TJP1: variants seen among roughly 807,000 people sequenced by gnomAD.
TJP1 encodes the protein tight junction protein 1.
Under a neutral mutation model 194.2 loss-of-function variants are expected in TJP1, and 43 were observed. That is an observed-to-expected ratio of 0.22 (90% CI 0.17 to 0.29). The LOEUF (loss-of-function observed/expected upper bound fraction) is 0.29. Among genes scored for constraint, TJP1 ranks in the 10% least tolerant of loss-of-function variants. The pLI is 1.00. For missense variants in TJP1, 1,971 were observed against 2,185.7 expected (o/e 0.90, Z 1.96); for synonymous variants, 801 against 779.0 (o/e 1.03, Z -0.47).
At chr15:29,777,757 A>G (rs2047109050) in intron 2 of TJP1, among the ~76,000 whole-genome samples, 1 of 152,158 alleles carries the variant, frequency 6.6e-6, no homozygotes, top group Non-Finnish European at 1.5e-5. Flanking sequence ...AAAGTACCCT[A>G]AAGATACACA....
chr15:29,725,231 T>C (rs1042940078), intron 18 of TJP1, among the ~76,000 whole-genome samples: 1 of 152,248 alleles, frequency 6.6e-6, no homozygotes. Flanking sequence ...GGCTCTCGTA[T>C]GCATGGTCCA....
intron 1 of TJP1, among the ~76,000 whole-genome samples, chr15:29,967,523 C>G (rs1336527478): frequency 6.6e-6 from 1 of 152,178 alleles, no homozygotes; most frequent in African/African-American, 2.4e-5. Context: ...TCTCACTTTA[C>G]AGAGGAAGAA....
At chr15:29,777,457 A>T (rs1473200858) in intron 2 of TJP1, among the ~76,000 whole-genome samples, 1 of 152,236 alleles carries the variant, frequency 6.6e-6, no homozygotes, top group Non-Finnish European at 1.5e-5. Context: ...TGTCGATATT[A>T]AGAACTACTT....
At chr15:29,702,167 C>A (rs2140910277) in intron 27 of TJP1, among the ~76,000 whole-genome samples, 1 of 151,950 alleles carries the variant, frequency 6.6e-6, no homozygotes, top group Non-Finnish European at 1.5e-5. Context: ...AATGAGGACA[C>A]ATTTCTCACA....
chr15:29,898,094 C>G (rs1381553140), intron 2 of TJP1, among the ~76,000 whole-genome samples: 1 of 152,054 alleles, frequency 6.6e-6, no homozygotes, highest in Non-Finnish European at 1.5e-5. Flanking sequence ...TGGCTGTGTT[C>G]CCACCCAAAT....
chr15:29,891,516 T>A (rs1467596754), intron 2 of TJP1, among the ~76,000 whole-genome samples: 2 of 152,226 alleles, frequency 1.3e-5, no homozygotes, highest in African/African-American at 4.8e-5. Context: ...ATTGACTTTT[T>A]TATAAATTGA....
At chr15:29,766,839 A>C (rs2046361943) in intron 4 of TJP1, among the ~76,000 whole-genome samples, 1 of 152,312 alleles carries the variant, frequency 6.6e-6, no homozygotes, top group Non-Finnish European at 1.5e-5. Flanking sequence ...CTTACAGGGA[A>C]ACTAACAACT....
chr15:29,863,063 G>C (rs1220807948), intron 2 of TJP1, among the ~76,000 whole-genome samples: 1 of 151,710 alleles, frequency 6.6e-6, no homozygotes, highest in African/African-American at 2.4e-5. Flanking sequence ...GGGAGGCCAA[G>C]GTGGGCGGAT....
At chr15:29,928,887 A>G (rs1228853666) in intron 2 of TJP1, among the ~76,000 whole-genome samples, 4 of 152,068 alleles carry the variant, frequency 2.6e-5, no homozygotes, top group Non-Finnish European at 5.9e-5. Context: ...GCTTGCAGTG[A>G]GCCGAGATCT....
Position 29,725,181 on chromosome 15 carries a change from C to G in TJP1, c.2412+1198G>C, listed in dbSNP as rs896561719. ...GTGGTTTGTTTCCACCTTCATTTTCCTATCCAGTTCCAGCTGACATGTTAT... is the reference window on the plus strand; with the variant it reads ...GTGGTTTGTTTCCACCTTCATTTTCGTATCCAGTTCCAGCTGACATGTTAT... On this transcript the variant is annotated intron_variant, in intron 18 of 27. Coordinates refer to ENST00000614355, the MANE Select transcript of TJP1 (RefSeq NM_001330239.4). Among the ~76,000 whole-genome samples the G allele has an allele frequency of 2.6e-5, 4 of 152,140 alleles. No homozygotes were observed. The East Asian group carries it at 7.7e-4, about 29-fold the overall frequency.
At chr15:29,900,700 G>T (rs74811335) in intron 2 of TJP1, among the ~76,000 whole-genome samples, 2,756 of 152,294 alleles carry the variant, frequency 0.018, 89 homozygotes, top group African/African-American at 0.064. Context: ...TATACATGAA[G>T]GCACAGCCCA....
At position 29,737,383 on chromosome 15, in the gene TJP1, C is replaced by G. The variant is rs766819283; in HGVS notation, c.1288G>C (p.Gly430Arg). The change falls in exon 11 of 28, where the codon GGA becomes CGA. Residue 430 changes from glycine to arginine, a missense_variant. This residue lies in a region of TJP1 where 24 missense variants were observed against 54.2 expected (regional missense o/e 0.44). Transcript: ENST00000614355. ...GCCAGCCGCAAACCCACACTATCTCCTTTTCTGAATTTTACCAATTTCATG... is the reference window on the plus strand; with the variant it reads ...GCCAGCCGCAAACCCACACTATCTCGTTTTCTGAATTTTACCAATTTCATG... ...PSMKLVKFRK[G>R]DSVGLRLAGG... 6.2e-7 allele frequency: 1 copy of G among 1,614,166 alleles called. No homozygotes were observed. Among genetic ancestry groups the G allele is most frequent in the Non-Finnish European group, 8.5e-7 (1 of 1,180,018 alleles).
intron 2 of TJP1, among the ~76,000 whole-genome samples, chr15:29,874,604 G>C (rs552664077): frequency 4.1e-4 from 62 of 152,260 alleles, no homozygotes; most frequent in African/African-American, 1.4e-3. Flanking sequence ...CATGAACTAA[G>C]GGTAGCTAGT....
chr15:29,778,595 A>G (rs955991151), intron 2 of TJP1, among the ~76,000 whole-genome samples: 5 of 152,150 alleles, frequency 3.3e-5, no homozygotes, highest in African/African-American at 9.6e-5. Context: ...CCCCAAGTCC[A>G]AATTCCTTAG....
At chr15:29,830,804 C>G (rs2050815565) in intron 2 of TJP1, among the ~76,000 whole-genome samples, 1 of 151,962 alleles carries the variant, frequency 6.6e-6, no homozygotes, top group South Asian at 2.1e-4. Flanking sequence ...CAGCTGATTA[C>G]AGGTCTGGAG....
chr15:29,834,661 G>T (rs2050966386), intron 2 of TJP1, among the ~76,000 whole-genome samples: 1 of 152,238 alleles, frequency 6.6e-6, no homozygotes, highest in Non-Finnish European at 1.5e-5. Context: ...TGAACGGAAA[G>T]AATGGACAGT....
intron 2 of TJP1, among the ~76,000 whole-genome samples, chr15:29,932,057 C>A (rs150889320): frequency 9.9e-5 from 15 of 152,264 alleles, no homozygotes; most frequent in African/African-American, 3.6e-4. Context: ...TTTACTGCAA[C>A]CTGTTTTATC....
chr15:29,738,408 GGA>G (rs2044175465), intron 10 of TJP1, among the ~76,000 whole-genome samples: 1 of 152,102 alleles, frequency 6.6e-6, no homozygotes, highest in Non-Finnish European at 1.5e-5. Context: ...TGTTGAGGAA[GGA>G]GAGATTTCTA....
chr15:29,722,013 CACAA>C (rs890937878), intron 18 of TJP1, among the ~76,000 whole-genome samples: 22 of 152,196 alleles, frequency 1.4e-4, no homozygotes, highest in African/African-American at 5.3e-4. Flanking sequence ...CATATGTGTG[CACAA>C]ACAGATTATC....
Sources: allele counts gnomAD v4.1 joint callset (sites outside exome capture counted in the v4.1 genomes callset), GRCh38; gene constraint gnomAD v4.1.1; regional missense constraint gnomAD v4.1.1; transcripts MANE v1.5; gene names NCBI Gene and HGNC (gene_info 2026-07-23, HGNC 2026-07-21).